The following BRAF variants were observed in gnomAD, a reference collection of about 807,000 sequenced individuals.
The protein encoded by BRAF is B-Raf proto-oncogene, serine/threonine kinase.
BRAF carries 16 observed loss-of-function variants against 104.6 expected under a neutral mutation model. The ratio of observed to expected loss-of-function variants is 0.15; its 90% CI spans 0.10 to 0.23. The LOEUF (loss-of-function observed/expected upper bound fraction) is 0.23. Among genes scored for constraint, BRAF ranks in the 10% least tolerant of loss-of-function variants. The pLI is 1.00. For synonymous variants in BRAF, 310 were observed against 341.6 expected, an observed-to-expected ratio of 0.91 and a Z score of 1.02; for missense variants, 541 against 937.3, an observed-to-expected ratio of 0.58 and a Z score of 5.52.
At chr7:140,843,053 C>T (rs938580780) in intron 2 of BRAF, among the ~76,000 whole-genome samples, 2 of 152,126 alleles carry the variant, frequency 1.3e-5, no homozygotes, top group Non-Finnish European at 2.9e-5. Context: ...AATCATAGCA[C>T]AACTTCTACT....
chr7:140,916,298 T>C (rs1817625555), intron 1 of BRAF, among the ~76,000 whole-genome samples: 1 of 152,220 alleles, frequency 6.6e-6, no homozygotes, highest in Non-Finnish European at 1.5e-5. Context: ...AGGGGCCCTA[T>C]AGGCCCCACT....
At chr7:140,757,279 T>G (rs1279635362) in intron 14 of BRAF, among the ~76,000 whole-genome samples, 1 of 152,082 alleles carries the variant, frequency 6.6e-6, no homozygotes, top group East Asian at 1.9e-4. Context: ...ATATTTCTCT[T>G]TTTTTGGACT....
chr7:140,891,982 T>C (rs1452370754), intron 1 of BRAF, among the ~76,000 whole-genome samples: 1 of 152,190 alleles, frequency 6.6e-6, no homozygotes, highest in Non-Finnish European at 1.5e-5. Flanking sequence ...TAAGGCCAGG[T>C]GCAGTGGCTA....
chr7:140,862,075 C>G (rs866470608), intron 1 of BRAF, among the ~76,000 whole-genome samples: 2 of 152,086 alleles, frequency 1.3e-5, no homozygotes, highest in Non-Finnish European at 2.9e-5. Context: ...GAATCCTAGA[C>G]CTATGTAACT....
Position 140,721,775 on chromosome 7 carries a change from T to C in BRAF, c.*4719A>G. Reference sequence around the variant, plus strand: ...GAAACAAGATACAAGAACCACAGCATGGAATATGTTTTCTTTTACATCCAA... The same window carrying C: ...GAAACAAGATACAAGAACCACAGCACGGAATATGTTTTCTTTTACATCCAA... On this transcript the variant is annotated 3_prime_UTR_variant, in exon 20 of 20. Transcript: ENST00000644969. 1.4e-6 allele frequency: 2 copies of C among 1,452,626 alleles called. No homozygotes were observed. The highest frequency in any genetic ancestry group is 1.8e-6 in the Non-Finnish European group (2 of 1,105,556). The allele number at this position is 1,452,626 out of a possible 1,614,324, so 90.0% of individuals were successfully genotyped here. A position where few individuals can be genotyped will look rare whatever the true frequency, so the allele number is the denominator to read the frequency against.
chr7:140,897,768 G>A (rs6965559), intron 1 of BRAF, among the ~76,000 whole-genome samples: 45,718 of 151,622 alleles, frequency 0.3, 10,958 homozygotes, highest in African/African-American at 0.67. Flanking sequence ...CCAAAGTGCT[G>A]GGATGACAGG....
chr7:140,763,461 G>A (rs1253675822), intron 14 of BRAF, among the ~76,000 whole-genome samples: 1 of 152,174 alleles, frequency 6.6e-6, no homozygotes, highest in Non-Finnish European at 1.5e-5. Context: ...CTGGGCGGGG[G>A]GCTGACCCCC....
chr7:140,821,209 C>T (rs1183275869), intron 3 of BRAF, among the ~76,000 whole-genome samples: 1 of 152,100 alleles, frequency 6.6e-6, no homozygotes, highest in Non-Finnish European at 1.5e-5. Flanking sequence ...GTCTTGAACT[C>T]CTGGGCTCAA....
chr7:140,881,761 A>G (rs1812946211), intron 1 of BRAF, among the ~76,000 whole-genome samples: 1 of 152,194 alleles, frequency 6.6e-6, no homozygotes, highest in South Asian at 2.1e-4. Context: ...AGAGTTATTA[A>G]TTGGCCTAAC....
At chr7:140,865,959 G>GT (rs1305295920) in intron 1 of BRAF, among the ~76,000 whole-genome samples, 1 of 152,166 alleles carries the variant, frequency 6.6e-6, no homozygotes, top group Non-Finnish European at 1.5e-5. Context: ...CAGGGGAAAG[G>GT]AGGGGAAACA....
intron 3 of BRAF, among the ~76,000 whole-genome samples, chr7:140,812,851 A>T (rs1482692330): frequency 6.6e-6 from 1 of 152,218 alleles, no homozygotes; most frequent in Non-Finnish European, 1.5e-5. Context: ...AGGTTCATCC[A>T]TACTTCATAT....
intron 5 of BRAF, among the ~76,000 whole-genome samples, chr7:140,803,671 A>T (rs922145722): frequency 6.6e-6 from 1 of 152,222 alleles, no homozygotes; most frequent in African/African-American, 2.4e-5. Context: ...AGAAGGCAAC[A>T]TGTTAAGAAT....
At chr7:140,909,280 C>A (rs1816695357) in intron 1 of BRAF, among the ~76,000 whole-genome samples, 1 of 152,042 alleles carries the variant, frequency 6.6e-6, no homozygotes, top group South Asian at 2.1e-4. Context: ...ACAAAATTAG[C>A]CGGGCATGGT....
intron 5 of BRAF, among the ~76,000 whole-genome samples, chr7:140,803,155 T>C (rs373711408): frequency 1.1e-4 from 16 of 152,366 alleles, no homozygotes; most frequent in East Asian, 3.9e-4. Flanking sequence ...GGCTATACCA[T>C]GTAGGCTTGT....
At chr7:140,899,608 C>T (rs1422255611) in intron 1 of BRAF, among the ~76,000 whole-genome samples, 3 of 152,216 alleles carry the variant, frequency 2.0e-5, no homozygotes, top group African/African-American at 7.2e-5. Flanking sequence ...GATTAAGGGT[C>T]ATTTCATATG....
chr7:140,801,174 T>C, intron 6 of BRAF: 1 of 462,792 alleles, frequency 2.2e-6, no homozygotes, highest in Non-Finnish European at 3.8e-6. Flanking sequence ...TTAGGGGTCT[T>C]GATTAATTAA....
chr7:140,805,998 T>C (rs1262453162), intron 5 of BRAF, among the ~76,000 whole-genome samples: 2 of 152,172 alleles, frequency 1.3e-5, no homozygotes, highest in East Asian at 3.8e-4. Context: ...AAAATCCAAA[T>C]CTTTAATATG....
Position 140,783,173 on chromosome 7 carries a change from GA to G in BRAF, c.1298-17del, listed in dbSNP as rs2129026500. 6.2e-7 allele frequency: 1 copy of G among 1,613,600 alleles called. No individual in the cohort carries two copies. Among genetic ancestry groups the G allele is most frequent in the East Asian group, 2.2e-5 (1 of 44,842 alleles). ...GTGGTTGATCCTAAATTAGTGAAAA[GA>G]AAAATGTATACATTAAGGAGGAGCA... On this transcript the variant is annotated splice_polypyrimidine_tract_variant and intron_variant, in intron 10 of 19. Transcript: ENST00000644969.
intron 17 of BRAF, chr7:140,747,368 T>C (rs973674530): frequency 2.4e-6 from 3 of 1,272,946 alleles, no homozygotes; most frequent in Non-Finnish European, 3.1e-6. Context: ...GGCCTTACCC[T>C]TCTGTTGGTC....
Sources: gnomAD v4.1 joint callset for allele counts (sites outside exome capture counted in the v4.1 genomes callset) on GRCh38, gnomAD v4.1.1 for gene constraint, MANE v1.5 for transcripts, NCBI Gene and HGNC (gene_info 2026-07-23, HGNC 2026-07-21) for gene names.